Variants in ENOX1 observed in about 807,000 individuals in gnomAD.
The protein encoded by ENOX1 is ecto-NOX disulfide-thiol exchanger 1.
ENOX1 carries 42 observed loss-of-function variants against 82.5 expected under a neutral mutation model. That is an observed-to-expected ratio of 0.51 (90% CI 0.40 to 0.66). ENOX1 has a LOEUF of 0.66. Ranked by LOEUF, ENOX1 falls within the 30% of genes least tolerant of loss-of-function variation. The pLI, the probability that ENOX1 is intolerant of heterozygous loss-of-function variation, is 0.00. For missense variants in ENOX1, 608 were observed against 811.6 expected, an observed-to-expected ratio of 0.75 and a Z score of 3.05; for synonymous variants, 271 against 282.2, an observed-to-expected ratio of 0.96 and a Z score of 0.40.
chr13:43,278,061 A>G lies in ENOX1; in HGVS notation c.1447-8484T>C, dbSNP rs561036205. Among the ~76,000 whole-genome samples, 59 of 152,094 alleles carry G rather than the reference A, an allele frequency of 3.9e-4. No homozygotes were observed. In the Middle Eastern group the frequency reaches 0.01, roughly 26 times the overall value. The stretch of plus-strand genomic sequence containing the variant: ...AATAAAACTAAAGGTGTATCCATCT[A>G]TCATCACTATGCACCAGCAATTCTA... On this transcript the variant is annotated intron_variant, in intron 12 of 16. Coordinates refer to ENST00000690772, the MANE Select transcript of ENOX1 (RefSeq NM_001347969.2).
intron 14 of ENOX1, among the ~76,000 whole-genome samples, chr13:43,256,284 G>T (rs2043740241): frequency 6.6e-6 from 1 of 152,066 alleles, no homozygotes; most frequent in Non-Finnish European, 1.5e-5. Context: ...ACAGGCAGCA[G>T]AAGCAAAAAT....
rs114471934 is a variant in ENOX1, at chr13:43,341,856, C to G, written c.1036+2682G>C. On this transcript the variant is annotated intron_variant, in intron 9 of 16. Transcript: ENST00000690772. ...TCGCATTCTTTGTAGTTAGGCATGGCCAGGTATAATAATTCTGCCTAATGA... is the reference window on the plus strand; with the variant it reads ...TCGCATTCTTTGTAGTTAGGCATGGGCAGGTATAATAATTCTGCCTAATGA... 9.9e-3 allele frequency among the ~76,000 whole-genome samples: 1,506 copies of G among 152,250 alleles called. 22 individuals carry two copies. Among genetic ancestry groups the G allele is most frequent in the African/African-American group, 0.035 (1,445 of 41,544 alleles).
In ENOX1 at chr13:43,720,480, A is replaced by G. The variant is rs76887586; in HGVS notation, c.-284-52936T>C. Among the ~76,000 whole-genome samples the G allele has an allele frequency of 1.7e-3, 263 of 152,306 alleles. 1 individual carries two copies. Among genetic ancestry groups the G allele is most frequent in the East Asian group, 0.014 (73 of 5,184 alleles). On this transcript the variant is annotated intron_variant, in intron 1 of 16. Coordinates refer to ENST00000690772, the MANE Select transcript of ENOX1 (RefSeq NM_001347969.2). ...CTTTGAGCTGTCTCAATTATAGCTCAGCTTCCATTTGCTTTGAATTGGACT... is the reference window on the plus strand; with the variant it reads ...CTTTGAGCTGTCTCAATTATAGCTCGGCTTCCATTTGCTTTGAATTGGACT...
intron 1 of ENOX1, among the ~76,000 whole-genome samples, chr13:43,706,712 G>A (rs202177230): frequency 6.1e-5 from 9 of 147,988 alleles, no homozygotes; most frequent in African/African-American, 1.8e-4. Flanking sequence ...GATCAAGAAA[G>A]AAAAAAAAAA....
In ENOX1 at chr13:43,470,400, G is replaced by GTATA. The variant is rs367942044; in HGVS notation, c.-75+13605_-75+13608dup. 4.6e-3 allele frequency among the ~76,000 whole-genome samples: 181 copies of GTATA among 39,360 alleles called. 13 individuals are homozygous for GTATA. Among genetic ancestry groups the GTATA allele is most frequent in the Non-Finnish European group, 7.8e-3 (136 of 17,478 alleles). The allele number at this position is 39,360 out of a possible 152,430, so 25.8% of individuals were successfully genotyped here. On this transcript the variant is annotated intron_variant, in intron 3 of 16. Coordinates refer to ENST00000690772, the MANE Select transcript of ENOX1 (RefSeq NM_001347969.2). ...TACATATATATACGTATATATATGT[G>GTATA]TATATATATATATATATAACAGAGA...
At chr13:43,697,277 T>A (rs1475761967) in intron 1 of ENOX1, among the ~76,000 whole-genome samples, 2 of 152,168 alleles carry the variant, frequency 1.3e-5, no homozygotes, top group Non-Finnish European at 2.9e-5. Flanking sequence ...TATTTCCTAA[T>A]AGAGGTCATT....
At chr13:43,369,097 C>A (rs1052181288) in intron 5 of ENOX1, among the ~76,000 whole-genome samples, 2 of 151,994 alleles carry the variant, frequency 1.3e-5, no homozygotes, top group African/African-American at 2.4e-5. Flanking sequence ...GACTTGATAA[C>A]CTGTAGTTAA....
chr13:43,305,860 C>T (rs1182305505), intron 11 of ENOX1, among the ~76,000 whole-genome samples: 1 of 152,206 alleles, frequency 6.6e-6, no homozygotes, highest in East Asian at 1.9e-4. Context: ...TTAGAGTCCT[C>T]CGGGAAACAC....
intron 1 of ENOX1, among the ~76,000 whole-genome samples, chr13:43,671,647 A>G (rs2085273170): frequency 6.6e-6 from 1 of 152,164 alleles, no homozygotes; most frequent in Admixed American, 6.5e-5. Context: ...ACGATTTCCG[A>G]GGCAAGCCAA....
intron 11 of ENOX1, among the ~76,000 whole-genome samples, chr13:43,310,739 GA>G (rs1170625558): frequency 1.3e-5 from 2 of 152,036 alleles, no homozygotes; most frequent in African/African-American, 4.8e-5. Context: ...AAAAGAAAGA[GA>G]AAATTAAATC....
At chr13:43,341,764 C>A (rs570511922) in intron 9 of ENOX1, among the ~76,000 whole-genome samples, 5 of 152,292 alleles carry the variant, frequency 3.3e-5, no homozygotes, top group South Asian at 4.1e-4. Flanking sequence ...ATTCTCCACT[C>A]CTGCCTTATT....
chr13:43,751,871 G>A (rs1950339426), intron 1 of ENOX1, among the ~76,000 whole-genome samples: 1 of 152,122 alleles, frequency 6.6e-6, no homozygotes, highest in Non-Finnish European at 1.5e-5. Flanking sequence ...ACAGACACGT[G>A]TTCTTTCCTC....
intron 2 of ENOX1, among the ~76,000 whole-genome samples, chr13:43,645,236 CAG>C (rs1249388623): frequency 6.6e-6 from 1 of 152,150 alleles, no homozygotes; most frequent in East Asian, 1.9e-4. Flanking sequence ...TCGCTCATGG[CAG>C]TCTCTAATAC....
At position 43,289,460 on chromosome 13, in the gene ENOX1, A is replaced by G. The variant is rs532756901; in HGVS notation, c.1446+8886T>C. Among the ~76,000 whole-genome samples, 6 of 152,332 alleles carry G rather than the reference A, an allele frequency of 3.9e-5. No individual in the cohort carries two copies. In the South Asian group the frequency reaches 1.2e-3, roughly 32 times the overall value. Reference sequence around the variant, plus strand: ...AATATTTGACAGGACTGACAAAAACAAGCAATGGGGAAAGGACTCTCTGTT... The same window carrying G: ...AATATTTGACAGGACTGACAAAAACGAGCAATGGGGAAAGGACTCTCTGTT... On this transcript the variant is annotated intron_variant, in intron 12 of 16. Transcript: ENST00000690772.
At chr13:43,541,314 G>C (rs1051828134) in intron 2 of ENOX1, among the ~76,000 whole-genome samples, 3 of 151,186 alleles carry the variant, frequency 2.0e-5, no homozygotes, top group African/African-American at 7.3e-5. Flanking sequence ...GCCTGGGCAA[G>C]ACAGTGAGAC....
intron 2 of ENOX1, among the ~76,000 whole-genome samples, chr13:43,531,936 A>AG (rs887249498): frequency 1.1e-4 from 13 of 114,750 alleles, no homozygotes; most frequent in Admixed American, 5.6e-4. Flanking sequence ...GGGTGAGGGG[A>AG]GGGGGGAGGG....
intron 16 of ENOX1, among the ~76,000 whole-genome samples, chr13:43,216,681 C>A (rs2041505215): frequency 6.6e-6 from 1 of 152,184 alleles, no homozygotes; most frequent in South Asian, 2.1e-4. Context: ...CATAGCGGAA[C>A]ACACAGGCCG....
chr13:43,294,741 GA>G (rs1426678735), intron 12 of ENOX1, among the ~76,000 whole-genome samples: 1 of 152,106 alleles, frequency 6.6e-6, no homozygotes, highest in Non-Finnish European at 1.5e-5. Context: ...ACTAACTATT[GA>G]CTAGACAAAC....
chr13:43,414,459 G>C (rs2054323509), intron 3 of ENOX1, among the ~76,000 whole-genome samples: 1 of 152,148 alleles, frequency 6.6e-6, no homozygotes, highest in Non-Finnish European at 1.5e-5. Context: ...CATGTGTATT[G>C]TGCATCAATT....
Sources: gnomAD v4.1 joint callset for allele counts (sites outside exome capture counted in the v4.1 genomes callset) on GRCh38, gnomAD v4.1.1 for gene constraint, MANE v1.5 for transcripts, NCBI Gene and HGNC (gene_info 2026-07-23, HGNC 2026-07-21) for gene names.